Variants in SRGAP2B observed in about 807,000 individuals in gnomAD.
SRGAP2B encodes the protein SLIT-ROBO Rho GTPase activating protein 2B.
In SRGAP2B, 9 loss-of-function variants were observed where a neutral mutation model predicts 22.2. The observed-to-expected ratio is 0.41, with a 90% CI of 0.24 to 0.71. SRGAP2B has a LOEUF of 0.71. Ranked by LOEUF, SRGAP2B falls within the 30% of genes least tolerant of loss-of-function variation. The probability of loss-of-function intolerance (pLI) is 0.35; values close to 1 mark genes in which losing one functional copy is unlikely to be tolerated. For missense variants in SRGAP2B, 114 were observed against 235.8 expected (o/e 0.48, Z 3.38); for synonymous variants, 36 against 87.4 (o/e 0.41, Z 3.28).
chr1:144,995,195 G>A lies in SRGAP2B; in HGVS notation c.73C>T (p.Arg25Cys), dbSNP rs56334123. Residue 25 changes from arginine to cysteine, a missense_variant, in exon 3 of 10, where the codon CGT becomes TGT. Transcript: ENST00000612199. ...TTCATCTGCTCTGTGAGCTGAGCACGGATCTCTACAACAAAAACAAGAGAA... is the reference window on the plus strand; with the variant it reads ...TTCATCTGCTCTGTGAGCTGAGCACAGATCTCTACAACAAAAACAAGAGAA... The A allele has an allele frequency of 2.2e-4, 170 of 766,044 alleles. 5 individuals are homozygous for A. In the African/African-American group the frequency reaches 3.5e-3, roughly 16 times the overall value. 47.5% of individuals were successfully genotyped at this position (766,044 alleles called of 1,614,324 possible).
intron 2 of SRGAP2B, among the ~76,000 whole-genome samples, chr1:145,041,088 T>TAC (rs1649192319): frequency 8.4e-6 from 1 of 118,402 alleles, no homozygotes; most frequent in Non-Finnish European, 1.7e-5. Context: ...TATATATATA[T>TAC]ATATATATAT....
intron 4 of SRGAP2B, among the ~76,000 whole-genome samples, chr1:144,939,252 G>A (rs1384061113): frequency 1.4e-5 from 2 of 139,840 alleles, no homozygotes; most frequent in African/African-American, 5.8e-5. Flanking sequence ...CAAAGAGGCA[G>A]GAAAGGAACT....
In SRGAP2B at chr1:144,984,362, CAACA is replaced by C. The variant is rs1338734055; in HGVS notation, c.260+10642_260+10645del. ...ACAACAACAACAACAACAACAACAA[CAACA>C]AAAAAAAAAAAACAAAAAAGCCCCT... On this transcript the variant is annotated intron_variant, in intron 3 of 9. Coordinates refer to ENST00000612199, the Ensembl canonical transcript of SRGAP2B. Among the ~76,000 whole-genome samples, 13 of 111,170 alleles carry C rather than the reference CAACA, an allele frequency of 1.2e-4. 1 individual carries two copies. The highest frequency in any genetic ancestry group is 4.1e-4 in the African/African-American group (13 of 31,776). 72.9% of individuals were successfully genotyped at this position (111,170 alleles called of 152,430 possible). A position where few individuals can be genotyped will look rare whatever the true frequency, so the allele number is the denominator to read the frequency against.
intron 3 of SRGAP2B, among the ~76,000 whole-genome samples, chr1:144,956,981 T>C (rs1446244423): frequency 1.3e-5 from 2 of 150,758 alleles, no homozygotes; most frequent in African/African-American, 5.0e-5. Flanking sequence ...GAGGTGGGTG[T>C]TATTAACCAC....
At chr1:144,892,074 GAT>G (rs1662140484) in exon 10 of SRGAP2B, 1 of 698,012 alleles carries the variant, frequency 1.4e-6, no homozygotes, top group Non-Finnish European at 2.6e-6. Flanking sequence ...TCGTATCTAA[GAT>G]ATTCAACGCC....
intron 3 of SRGAP2B, among the ~76,000 whole-genome samples, chr1:144,973,834 G>T (rs114265886): frequency 7.8e-6 from 1 of 128,656 alleles, no homozygotes; most frequent in African/African-American, 3.3e-5. Context: ...CACACTCCCT[G>T]TCTACAGGGA....
chr1:144,964,844 A>T (rs1667947599), intron 3 of SRGAP2B, among the ~76,000 whole-genome samples: 1 of 151,136 alleles, frequency 6.6e-6, no homozygotes, highest in Non-Finnish European at 1.5e-5. Context: ...GCTTGAGCCC[A>T]GGAGCTTGAG....
intron 2 of SRGAP2B, among the ~76,000 whole-genome samples, chr1:144,997,154 C>T (rs7535025): frequency 2.7e-5 from 4 of 149,466 alleles, no homozygotes; most frequent in South Asian, 2.1e-4. Flanking sequence ...AAGTGCCAGG[C>T]GCGGTGGCTC....
intron 2 of SRGAP2B, among the ~76,000 whole-genome samples, chr1:145,044,235 G>A (rs1339729238): frequency 1.5e-5 from 2 of 133,414 alleles, no homozygotes; most frequent in African/African-American, 3.2e-5. Flanking sequence ...CAGAAAGCAA[G>A]GAAGCCATCC....
intron 5 of SRGAP2B, among the ~76,000 whole-genome samples, chr1:144,908,788 A>ATG (rs1190749103): frequency 1.5e-5 from 2 of 136,678 alleles, no homozygotes; most frequent in Non-Finnish European, 3.1e-5. Context: ...AGATATATAT[A>ATG]TCTATGTACA....
chr1:144,915,863 C>T (rs1482027607), intron 4 of SRGAP2B, among the ~76,000 whole-genome samples: 2 of 150,256 alleles, frequency 1.3e-5, no homozygotes, highest in Non-Finnish European at 1.5e-5. Flanking sequence ...AGAGGGAAAG[C>T]CCTTGTTTTA....
intron 2 of SRGAP2B, among the ~76,000 whole-genome samples, chr1:145,003,708 T>C (rs1295482907): frequency 6.7e-6 from 1 of 149,918 alleles, no homozygotes; most frequent in African/African-American, 2.5e-5. Context: ...GGAAGTCTGC[T>C]GGATGGAGTC....
chr1:145,012,605 AC>A (rs1199726753), intron 2 of SRGAP2B, among the ~76,000 whole-genome samples: 1 of 114,026 alleles, frequency 8.8e-6, no homozygotes, highest in Non-Finnish European at 1.7e-5. Context: ...TTAGAATGAA[AC>A]CTTTACTGGA....
chr1:144,930,695 T>C (rs1430575919), intron 4 of SRGAP2B, among the ~76,000 whole-genome samples: 1 of 150,368 alleles, frequency 6.7e-6, no homozygotes, highest in Non-Finnish European at 1.5e-5. Flanking sequence ...ATAAAAAAAT[T>C]GAAAGAAGTA....
intron 4 of SRGAP2B, among the ~76,000 whole-genome samples, chr1:144,923,015 G>A (rs587638385): frequency 6.0e-5 from 9 of 151,100 alleles, no homozygotes; most frequent in Non-Finnish European, 1.2e-4. Flanking sequence ...AGCTCACTTT[G>A]GTCCCTGACC....
chr1:144,924,679 C>T (rs1664523924), intron 4 of SRGAP2B, among the ~76,000 whole-genome samples: 1 of 150,072 alleles, frequency 6.7e-6, no homozygotes, highest in African/African-American at 2.5e-5. Flanking sequence ...TTGCAGTGAG[C>T]CAAGATCGCA....
At chr1:144,958,833 T>C (rs1667468132) in intron 3 of SRGAP2B, among the ~76,000 whole-genome samples, 1 of 143,130 alleles carries the variant, frequency 7.0e-6, no homozygotes, top group Non-Finnish European at 1.5e-5. Context: ...AAAATCACAT[T>C]TCAATTTAAA....
chr1:145,036,589 C>T (rs1307106207), intron 2 of SRGAP2B, among the ~76,000 whole-genome samples: 3 of 54,744 alleles, frequency 5.5e-5, no homozygotes, highest in East Asian at 8.6e-4. Context: ...AATTATAAAT[C>T]GGAGGTTATA....
In SRGAP2B at chr1:144,969,687, T is replaced by C. The variant is rs1570887428; in HGVS notation, c.261-14086A>G. Among the ~76,000 whole-genome samples, 3 of 150,400 alleles carry C rather than the reference T, an allele frequency of 2.0e-5. No homozygotes were observed. The East Asian group carries it at 5.8e-4, about 29-fold the overall frequency. On this transcript the variant is annotated intron_variant, in intron 3 of 9. Coordinates refer to ENST00000612199, the Ensembl canonical transcript of SRGAP2B. ...AGAGCTTCTGCACAGCAAAAGAAAC[T>C]ACCATCAGAGTGAACAGGCAAACTA...
Sources: gnomAD v4.1 joint callset for allele counts (sites outside exome capture counted in the v4.1 genomes callset) on GRCh38, gnomAD v4.1.1 for gene constraint, MANE v1.5 for transcripts, NCBI Gene and HGNC (gene_info 2026-07-23, HGNC 2026-07-21) for gene names.